Variants in RBFOX1 observed in about 807,000 individuals in gnomAD.
RBFOX1 encodes RNA binding protein fox-1 homolog 1.
In RBFOX1, 8 loss-of-function variants were observed where a neutral mutation model predicts 57.7. The ratio of observed to expected loss-of-function variants is 0.14; its 90% confidence interval spans 0.08 to 0.25. The LOEUF (loss-of-function observed/expected upper bound fraction) is 0.25, where lower values mean the gene tolerates loss of function less well. RBFOX1 is among the 10% of genes least tolerant of loss of function. RBFOX1 has a pLI of 1.00. For synonymous variants in RBFOX1, 326 were observed against 222.4 expected (o/e 1.47, Z -4.15); for missense variants, 611 against 548.5 (o/e 1.11, Z -1.14).
At chr16:5,533,404 G>A (rs1396603533) in intron 2 of RBFOX1, among the ~76,000 whole-genome samples, 1 of 152,196 alleles carries the variant, frequency 6.6e-6, no homozygotes, top group East Asian at 1.9e-4. Flanking sequence ...AGTGTGGATA[G>A]TTTCATCACT....
At chr16:7,666,173 T>G (rs2069191478) in intron 13 of RBFOX1, among the ~76,000 whole-genome samples, 1 of 152,136 alleles carries the variant, frequency 6.6e-6, no homozygotes, top group South Asian at 2.1e-4. Flanking sequence ...TGAAGCCCAT[T>G]CATTTCCTCA....
intron 1 of RBFOX1, among the ~76,000 whole-genome samples, chr16:5,367,954 G>T (rs953626226): frequency 6.6e-6 from 1 of 152,210 alleles, no homozygotes; most frequent in African/African-American, 2.4e-5. Context: ...GTTGTGAGGA[G>T]TTTCCCGTTC....
intron 1 of RBFOX1, chr16:5,467,196 C>CTCTCTCT (rs1555527583): frequency 1.0e-4 from 106 of 1,054,286 alleles, no homozygotes; most frequent in Admixed American, 2.3e-4. Flanking sequence ...CTCTCTCTCT[C>CTCTCTCT]TTTTTTTTTT....
chr16:6,440,801 GAA>G (rs140805062), intron 2 of RBFOX1, among the ~76,000 whole-genome samples: 4,603 of 118,496 alleles, frequency 0.039, 287 homozygotes, highest in African/African-American at 0.14. Flanking sequence ...ACACCATCTG[GAA>G]AAAAAAAAAA....
chr16:6,956,031 A>T (rs1392839148), intron 3 of RBFOX1, among the ~76,000 whole-genome samples: 1 of 152,142 alleles, frequency 6.6e-6, no homozygotes, highest in African/African-American at 2.4e-5. Flanking sequence ...AATGAGGGTG[A>T]GGACACATTT....
intron 4 of RBFOX1, among the ~76,000 whole-genome samples, chr16:7,351,595 C>T (rs760854034): frequency 2.0e-5 from 3 of 152,182 alleles, no homozygotes; most frequent in Non-Finnish European, 2.9e-5. Flanking sequence ...GATCATGATA[C>T]TCTGCTCTTG....
At chr16:6,574,618 C>T (rs531093236) in intron 2 of RBFOX1, among the ~76,000 whole-genome samples, 6 of 148,482 alleles carry the variant, frequency 4.0e-5, no homozygotes, top group African/African-American at 4.9e-5. Flanking sequence ...TTAGTAGAGA[C>T]GGGGTTTCAC....
At chr16:5,247,035 G>T (rs193266445) in intron 1 of RBFOX1, among the ~76,000 whole-genome samples, 1 of 152,228 alleles carries the variant, frequency 6.6e-6, no homozygotes, top group Admixed American at 6.5e-5. Flanking sequence ...TCTGTGCCTG[G>T]CTTATTTCAC....
rs138381556 is a variant in RBFOX1 at position 6,544,756 on chromosome 16, A to G, written c.-63-109847A>G. On this transcript the variant is annotated intron_variant, in intron 2 of 15. Coordinates refer to ENST00000550418, the MANE Select transcript of RBFOX1 (RefSeq NM_018723.4). ...TTGTTTGTCACATGGAGATGATAAC[A>G]CTCCTCTCTCAAAGATATTGTGAAA... is the stretch of plus-strand genomic sequence containing the variant. Among the ~76,000 whole-genome samples, 292 of 152,132 alleles carry G rather than the reference A, an allele frequency of 1.9e-3. 2 individuals carry two copies. The highest frequency in any genetic ancestry group is 6.8e-3 in the African/African-American group (281 of 41,496).
intron 3 of RBFOX1, among the ~76,000 whole-genome samples, chr16:6,730,995 T>A (rs186381590): frequency 1.3e-5 from 2 of 152,142 alleles, no homozygotes; most frequent in South Asian, 2.1e-4. Flanking sequence ...GTTAGTATCA[T>A]TGATGTCAGA....
At chr16:5,550,812 G>A (rs542115161) in intron 2 of RBFOX1, among the ~76,000 whole-genome samples, 10 of 152,296 alleles carry the variant, frequency 6.6e-5, no homozygotes, top group Non-Finnish European at 1.3e-4. Flanking sequence ...TTTCAAAAAA[G>A]AATTGTCACC....
intron 2 of RBFOX1, among the ~76,000 whole-genome samples, chr16:5,527,397 A>G (rs1269796572): frequency 6.6e-6 from 1 of 152,216 alleles, no homozygotes; most frequent in Admixed American, 6.5e-5. Context: ...CACCGGCTTA[A>G]TGCAGGTGAG....
intron 1 of RBFOX1, among the ~76,000 whole-genome samples, chr16:5,395,679 A>G (rs1349781851): frequency 6.6e-6 from 1 of 152,160 alleles, no homozygotes; most frequent in East Asian, 1.9e-4. Flanking sequence ...ACTTGTTTTT[A>G]GCCAACAGAA....
At chr16:6,300,469 C>T (rs944828762) in intron 1 of RBFOX1, among the ~76,000 whole-genome samples, 2 of 152,126 alleles carry the variant, frequency 1.3e-5, no homozygotes, top group African/African-American at 4.8e-5. Context: ...AAAAAGAAAT[C>T]CCTCCGCCAA....
intron 2 of RBFOX1, among the ~76,000 whole-genome samples, chr16:6,491,685 A>G (rs1395216758): frequency 2.0e-5 from 3 of 152,136 alleles, no homozygotes; most frequent in Non-Finnish European, 2.9e-5. Context: ...TATGAGGCAG[A>G]TGTGATTGTT....
At chr16:5,928,632 T>C (rs1244488245) in intron 4 of RBFOX1, among the ~76,000 whole-genome samples, 1 of 151,700 alleles carries the variant, frequency 6.6e-6, no homozygotes, top group Non-Finnish European at 1.5e-5. Flanking sequence ...ATTCTGGCCC[T>C]GTAACTTTAC....
chr16:5,462,588 T>C (rs2068826201), intron 1 of RBFOX1, among the ~76,000 whole-genome samples: 1 of 152,204 alleles, frequency 6.6e-6, no homozygotes, highest in South Asian at 2.1e-4. Flanking sequence ...TTGTGATAGT[T>C]TTGAACTACC....
At chr16:6,994,497 G>C (rs1428470507) in intron 3 of RBFOX1, among the ~76,000 whole-genome samples, 1 of 152,094 alleles carries the variant, frequency 6.6e-6, no homozygotes, top group South Asian at 2.1e-4. Flanking sequence ...ACAGTTTTTA[G>C]GTAAACAACA....
chr16:6,085,946 C>G (rs1023318701), intron 1 of RBFOX1, among the ~76,000 whole-genome samples: 1 of 152,096 alleles, frequency 6.6e-6, no homozygotes, highest in African/African-American at 2.4e-5. Context: ...GCCCCACATG[C>G]ATTAGCCATT....
Sources: gnomAD v4.1 joint callset for allele counts (sites outside exome capture counted in the v4.1 genomes callset) on GRCh38, gnomAD v4.1.1 for gene constraint, MANE v1.5 for transcripts, NCBI Gene and HGNC (gene_info 2026-07-23, HGNC 2026-07-21) for gene names.